Variants in ZBTB16 observed in about 807,000 individuals in gnomAD.
The protein encoded by ZBTB16 is zinc finger and BTB domain-containing protein 16.
ZBTB16 carries 8 observed loss-of-function variants against 56.8 expected under a neutral mutation model. The observed-to-expected ratio is 0.14, with a 90% CI of 0.08 to 0.25. The LOEUF is 0.25. ZBTB16 is among the 10% of genes least tolerant of loss of function. ZBTB16 has a pLI of 1.00. For missense variants in ZBTB16, 625 were observed against 903.0 expected (o/e 0.69, Z 3.95); for synonymous variants, 363 against 368.5 (o/e 0.98, Z 0.17).
intron 4 of ZBTB16, chr11:114,187,424 G>A (rs534671770): frequency 1.5e-5 from 4 of 272,112 alleles, no homozygotes; most frequent in East Asian, 7.8e-5. Context: ...TGAAACCCTC[G>A]TGTGGCCACA....
At chr11:114,075,846 C>T (rs1482944873) in intron 2 of ZBTB16, among the ~76,000 whole-genome samples, 1 of 152,096 alleles carries the variant, frequency 6.6e-6, no homozygotes, top group Non-Finnish European at 1.5e-5. Context: ...AGTTTTCCCC[C>T]CATCATAGCC....
At position 114,158,366 on chromosome 11, in the gene ZBTB16, G is replaced by T. The variant is rs190669176; in HGVS notation, c.1366+1932G>T. 3.3e-4 allele frequency among the ~76,000 whole-genome samples: 50 copies of T among 152,224 alleles called. No homozygotes were observed. In the Middle Eastern group the frequency reaches 0.01, roughly 31 times the overall value. On this transcript the variant is annotated intron_variant, in intron 3 of 6. Transcript: ENST00000335953. Reference sequence around the variant, plus strand: ...TTTTCTTGGTTTGCTTTATGGGCTTGTTGCTTTCTGGGCTCTGTGGCTTTG... The same window carrying T: ...TTTTCTTGGTTTGCTTTATGGGCTTTTTGCTTTCTGGGCTCTGTGGCTTTG...
In ZBTB16 at chr11:114,090,040, G is replaced by T. The variant is rs117273924; in HGVS notation, c.1268+25472G>T. ...CAGTTAAGATCTTAGCTCCATAAGG[G>T]ACATACGGAGGTCATCTAGGTCATC... On this transcript the variant is annotated intron_variant, in intron 2 of 6. Coordinates refer to ENST00000335953, the MANE Select transcript of ZBTB16 (RefSeq NM_006006.6). Among the ~76,000 whole-genome samples, 603 of 152,300 alleles carry T rather than the reference G, an allele frequency of 4.0e-3. 26 individuals are homozygous for T. In the East Asian group the frequency reaches 0.092, roughly 23 times the overall value.
chr11:114,161,089 G>A (rs1322816331), intron 3 of ZBTB16, among the ~76,000 whole-genome samples: 1 of 152,048 alleles, frequency 6.6e-6, no homozygotes, highest in African/African-American at 2.4e-5. Context: ...ACTCCTTGTC[G>A]TAACACGAGA....
intron 4 of ZBTB16, among the ~76,000 whole-genome samples, chr11:114,233,607 C>A (rs1211593864): frequency 2.0e-5 from 3 of 152,130 alleles, no homozygotes; most frequent in Non-Finnish European, 2.9e-5. Context: ...CTTCTCTCCT[C>A]CTTTTTTTTT....
At chr11:114,172,026 G>T (rs1450122164) in intron 3 of ZBTB16, among the ~76,000 whole-genome samples, 1 of 152,224 alleles carries the variant, frequency 6.6e-6, no homozygotes, top group African/African-American at 2.4e-5. Flanking sequence ...GAGTGTAGAA[G>T]AGCCTGGTCC....
chr11:114,133,396 A>G (rs950562561), intron 2 of ZBTB16, among the ~76,000 whole-genome samples: 1 of 152,066 alleles, frequency 6.6e-6, no homozygotes, highest in African/African-American at 2.4e-5. Flanking sequence ...CTTTTCTGCC[A>G]TGCCCCTTTC....
At chr11:114,242,452 C>G in intron 5 of ZBTB16, 115 bp downstream of exon 5, 1 of 1,449,554 alleles carries the variant, frequency 6.9e-7, no homozygotes, top group Non-Finnish European at 9.4e-7. Context: ...TCCTTCTGCT[C>G]AAGGCTTGGA....
At chr11:114,157,163 T>A (rs1942437541) in intron 3 of ZBTB16, among the ~76,000 whole-genome samples, 1 of 152,192 alleles carries the variant, frequency 6.6e-6, no homozygotes. Flanking sequence ...AGGGCTGTTG[T>A]TTCATTTGGT....
At chr11:114,091,735 G>T (rs904783239) in intron 2 of ZBTB16, among the ~76,000 whole-genome samples, 1 of 151,594 alleles carries the variant, frequency 6.6e-6, no homozygotes, top group Non-Finnish European at 1.5e-5. Flanking sequence ...TGTATGCGGC[G>T]ACTGAGGGTG....
Position 114,251,774 on chromosome 11 carries a change from G to T in ZBTB16, c.*1219G>T, listed in dbSNP as rs570656861. 3.3e-5 allele frequency among the ~76,000 whole-genome samples: 5 copies of T among 152,298 alleles called. No homozygotes were observed. Among genetic ancestry groups the T allele is most frequent in the Non-Finnish European group, 7.4e-5 (5 of 68,016 alleles). ...GGAGGAGGAGGAGCAGAAGGAGGGG[G>T]AGGAGCTGCAGGAGGAGGAGGATTT... On this transcript the variant is annotated 3_prime_UTR_variant, in exon 7 of 7. Transcript: ENST00000335953.
intron 4 of ZBTB16, among the ~76,000 whole-genome samples, chr11:114,198,663 C>T (rs1943660180): frequency 6.6e-6 from 1 of 152,212 alleles, no homozygotes; most frequent in Admixed American, 6.5e-5. Flanking sequence ...CCCGTCCTCA[C>T]ACGCAAGTGC....
chr11:114,124,556 C>CAAAAAAAAAAAAAAAAAAA (rs1565638067), intron 2 of ZBTB16, among the ~76,000 whole-genome samples: 1 of 79,622 alleles, frequency 1.3e-5, no homozygotes, highest in African/African-American at 4.6e-5. Context: ...AAAAAAAAAA[C>CAAAAAAAAAAAAAAAAAAA]CAAAAAAAAA....
chr11:114,125,261 A>G (rs1941474339), intron 2 of ZBTB16, among the ~76,000 whole-genome samples: 1 of 152,246 alleles, frequency 6.6e-6, no homozygotes, highest in South Asian at 2.1e-4. Context: ...AATAATTTCA[A>G]GCTTACAGAA....
Position 114,250,307 on chromosome 11 carries a change from C to G in ZBTB16, c.1793-19C>G, listed in dbSNP as rs893796847. The G allele has an allele frequency of 6.2e-7, 1 of 1,607,910 alleles. No homozygotes were observed. Among genetic ancestry groups the G allele is most frequent in the East Asian group, 2.2e-5 (1 of 44,870 alleles). ...TCTGTCTGTCCTCACTTTCTCCTGC[C>G]CTGTCCCTCCGCCCTCAGGTGAGAA... On this transcript the variant is annotated intron_variant, in intron 6 of 6. Coordinates refer to ENST00000335953, the MANE Select transcript of ZBTB16 (RefSeq NM_006006.6). The surrounding 1 kb of genome is among the most constrained non-coding windows in gnomAD (Gnocchi z 6.0).
At chr11:114,100,587 A>G (rs1940571653) in intron 2 of ZBTB16, among the ~76,000 whole-genome samples, 1 of 152,092 alleles carries the variant, frequency 6.6e-6, no homozygotes, top group Non-Finnish European at 1.5e-5. Context: ...TTGAGCAAGT[A>G]TTTTATCCTC....
intron 2 of ZBTB16, among the ~76,000 whole-genome samples, chr11:114,124,106 C>G (rs1465506475): frequency 2.6e-5 from 4 of 152,084 alleles, no homozygotes; most frequent in African/African-American, 4.8e-5. Flanking sequence ...GGAGTGAAGT[C>G]CAGCCTGATT....
At position 114,194,729 on chromosome 11, in the gene ZBTB16, C is replaced by T. The variant is rs1027155989; in HGVS notation, c.1453+7691C>T. Among the ~76,000 whole-genome samples, 205 of 152,316 alleles carry T rather than the reference C, an allele frequency of 1.3e-3. 1 individual carries two copies. Among genetic ancestry groups the T allele is most frequent in the African/African-American group, 4.2e-3 (176 of 41,548 alleles). On this transcript the variant is annotated intron_variant, in intron 4 of 6. Coordinates refer to ENST00000335953, the MANE Select transcript of ZBTB16 (RefSeq NM_006006.6). ...AAATAAAAGTGAGAAAACACACATA[C>T]GTGCACGTGCACACCCCCATGCACA...
At chr11:114,228,639 G>A (rs754201699) in intron 4 of ZBTB16, among the ~76,000 whole-genome samples, 2 of 152,188 alleles carry the variant, frequency 1.3e-5, no homozygotes, top group South Asian at 2.1e-4. Flanking sequence ...GTGTTGATAC[G>A]TAGGATGTCG....
Sources: allele counts gnomAD v4.1 joint callset (sites outside exome capture counted in the v4.1 genomes callset), GRCh38; gene constraint gnomAD v4.1.1; non-coding constraint Gnocchi (gnomAD v3.1); transcripts MANE v1.5; gene names NCBI Gene and HGNC (gene_info 2026-07-23, HGNC 2026-07-21).